Variants in ORM2 observed in about 807,000 individuals in gnomAD.
The protein encoded by ORM2 is alpha-1-acid glycoprotein 2.
A neutral mutation model predicts 26.8 loss-of-function variants in ORM2; 19 were observed. That is an observed-to-expected ratio of 0.71 (90% CI 0.49 to 1.04). ORM2 has a LOEUF of 1.04. Among genes scored for constraint, ORM2 ranks in the 50% least tolerant of loss-of-function variants. ORM2 has a pLI of 0.00. For missense variants in ORM2, 259 were observed against 244.9 expected (o/e 1.06, Z -0.39); for synonymous variants, 94 against 100.0 (o/e 0.94, Z 0.36).
intron 3 of ORM2, 81 bp from the exon 4 acceptor site, chr9:114,331,486 A>C: frequency 8.8e-7 from 1 of 1,134,704 alleles, no homozygotes; most frequent in Non-Finnish European, 1.3e-6. Flanking sequence ...GGCCCCGGAC[A>C]CACCTAGGAC....
At chr9:114,331,521 T>G in intron 3 of ORM2, 46 bp from the exon 4 acceptor site, 1 of 1,495,230 alleles carries the variant, frequency 6.7e-7, no homozygotes, top group Middle Eastern at 1.7e-4. Flanking sequence ...ACAGGCACCA[T>G]TGTGCCATCC....
intron 2 of ORM2, 37 bp from the exon 3 acceptor site, chr9:114,330,755 C>T (rs368108808): frequency 1.1e-5 from 17 of 1,607,902 alleles, no homozygotes; most frequent in Non-Finnish European, 1.4e-5. Flanking sequence ...TCCTCGATAA[C>T]ATTACTGTTT....
At chr9:114,333,035 T>C (rs757954876) in intron 5 of ORM2, 34 bp from the exon 6 acceptor site, 2 of 1,595,382 alleles carry the variant, frequency 1.3e-6, no homozygotes, top group Non-Finnish European at 1.7e-6. Flanking sequence ...ATGCCTCTGC[T>C]TCTCCCTCAC....
rs201106598 is a variant in ORM2 at position 114,330,900 on chromosome 9, G to A, written c.328+38G>A. 11 of 1,568,120 alleles carry A rather than the reference G, an allele frequency of 7.0e-6. No homozygotes were observed. In the East Asian group the frequency reaches 1.6e-4, roughly 22 times the overall value. On this transcript the variant is annotated intron_variant, in intron 3 of 5. Coordinates refer to ENST00000431067, the MANE Select transcript of ORM2 (RefSeq NM_000608.4). Reference sequence around the variant, plus strand: ...CCTCAGGCAGGAGGGTTCACCGTGGGAACAGGGCAGGCCAGCATAAGGTGG... The same window carrying A: ...CCTCAGGCAGGAGGGTTCACCGTGGAAACAGGGCAGGCCAGCATAAGGTGG...
Position 114,331,608 on chromosome 9 carries a change from G to T in ORM2, c.370G>T (p.Asp124Tyr). The change falls in exon 4 of 6, where the codon GAC becomes TAC. Residue 124 changes from aspartate to tyrosine, a missense_variant. Asp to Tyr is a radical substitution (Grantham distance 160). Around this residue, in one of 2 missense-constraint regions of ORM2, gnomAD observed 251 missense variants for 220.5 expected, o/e 1.14. Transcript: ENST00000431067. ...EHVAHLLFLR[D>Y]TKTLMFGSYL... is the part of the protein sequence containing the mutation. ...TGTTGCTCACCTGCTGTTCCTTAGG[G>T]ACACCAAGACCTTGATGTTTGGTTC... 6.2e-7 allele frequency: 1 copy of T among 1,613,990 alleles called. No individual in the cohort carries two copies. Among genetic ancestry groups the T allele is most frequent in the Non-Finnish European group, 8.5e-7 (1 of 1,179,992 alleles).
intron 3 of ORM2, among the ~76,000 whole-genome samples, 176 bp from the exon 4 acceptor site, chr9:114,331,391 G>A (rs1240903996): frequency 6.6e-6 from 1 of 152,086 alleles, no homozygotes; most frequent in East Asian, 1.9e-4. Context: ...TGTACAGAAA[G>A]TGCTTGGCGT....
intron 1 of ORM2, 55 bp from the exon 2 acceptor site, chr9:114,330,379 G>C: frequency 6.4e-7 from 1 of 1,557,402 alleles, no homozygotes; most frequent in Admixed American, 1.7e-5. Context: ...CCTCCCAGCT[G>C]ACAGTCAAAG....
rs756070700 is a variant in ORM2 at position 114,330,462 on chromosome 9, C to A, written c.143C>A (p.Ser48Ter). Residue 48 changes from serine to a stop codon, truncating the protein, a stop_gained, in exon 2 of 6, where the codon TCG becomes TAG. Coordinates refer to ENST00000431067, the MANE Select transcript of ORM2 (RefSeq NM_000608.4). LOFTEE classifies it high-confidence loss of function. The part of the protein sequence containing the change: ...RITGKWFYIA[S>*]AFRNEEYNKS... Reference sequence around the variant, plus strand: ...ACTGGCAAGTGGTTTTATATCGCATCGGCCTTTCGAAACGAGGAGTACAAT... The same window carrying A: ...ACTGGCAAGTGGTTTTATATCGCATAGGCCTTTCGAAACGAGGAGTACAAT... 8 of 1,605,060 alleles carry A rather than the reference C, an allele frequency of 5.0e-6. No homozygotes were observed. The highest frequency in any genetic ancestry group is 5.1e-6 in the Non-Finnish European group (6 of 1,176,516).
In ORM2 at chr9:114,331,558, C is replaced by G; in HGVS notation, c.329-9C>G. ...ATGTTCTCACCCAGAGGCTCTTTTT[C>G]TCTTCCAGAGGGAGGCCGAGAACAT... On this transcript the variant is annotated splice_polypyrimidine_tract_variant and intron_variant, in intron 3 of 5. Transcript: ENST00000431067. The G allele has an allele frequency of 6.2e-7, 1 of 1,609,462 alleles. No homozygotes were observed. The highest frequency in any genetic ancestry group is 8.5e-7 in the Non-Finnish European group (1 of 1,176,934).
rs1465520163 is a variant in ORM2 at position 114,330,539 on chromosome 9, A to C, written c.220A>C (p.Thr74Pro). 1 of 1,612,504 alleles carries C rather than the reference A, an allele frequency of 6.2e-7. No individual in the cohort carries two copies. Among genetic ancestry groups the C allele is most frequent in the East Asian group, 2.2e-5 (1 of 44,874 alleles). Residue 74 changes from threonine (T) to proline (P), a missense_variant, in exon 2 of 6, where the codon ACA becomes CCA. Around this residue, in one of 2 missense-constraint regions of ORM2, gnomAD observed 251 missense variants for 220.5 expected, o/e 1.14. Coordinates refer to ENST00000431067, the MANE Select transcript of ORM2 (RefSeq NM_000608.4). ...ATFFYFTPNKTEDTIFLREYQ... is the reference protein window; with the variant it reads ...ATFFYFTPNKPEDTIFLREYQ... The stretch of plus-strand genomic sequence containing the variant: ...CTTCTTTTACTTTACCCCCAACAAG[A>C]CAGAGGACACGATCTTTCTCAGAGA...
In ORM2 at chr9:114,330,707, C is replaced by T. The variant is rs1829836315; in HGVS notation, c.258-85C>T. The T allele has an allele frequency of 1.9e-6, 3 of 1,598,166 alleles. 1 individual carries two copies. The highest frequency in any genetic ancestry group is 2.7e-5 in the African/African-American group (2 of 74,456). On this transcript the variant is annotated intron_variant, in intron 2 of 5. Coordinates refer to ENST00000431067, the MANE Select transcript of ORM2 (RefSeq NM_000608.4). ...AGGGTTGGCTTTAATCTCCACCAGA[C>T]TCTTGCCCCGGGACTGTGATGGGCG...
chr9:114,331,833 G>A lies in ORM2; in HGVS notation c.444G>A (p.Lys148=), dbSNP rs1829858183. The change falls in exon 5 of 6, where the codon AAG becomes AAA. Residue 148 remains lysine (K), a synonymous_variant. Transcript: ENST00000431067. ...TCCTTGCTCCCCCTGCAGCTGACAA[G>A]CCAGAGACGACCAAGGAGCAACTGG... ...KNWGLSFYAD[K]PETTKEQLGE... is the part of the protein sequence containing the mutation. 6.2e-7 allele frequency: 1 copy of A among 1,613,580 alleles called. No homozygotes were observed. The highest frequency in any genetic ancestry group is 1.3e-5 in the African/African-American group (1 of 74,716).
At chr9:114,330,896 G>C (rs760395032) in intron 3 of ORM2, 34 bp downstream of exon 3, 1 of 1,581,468 alleles carries the variant, frequency 6.3e-7, no homozygotes. Flanking sequence ...AGGGTTCACC[G>C]TGGGAACAGG....
chr9:114,333,248 A>C lies in ORM2; in HGVS notation c.*114A>C, dbSNP rs1829891507. 5 of 1,043,454 alleles carry C rather than the reference A, an allele frequency of 4.8e-6. No individual in the cohort carries two copies. The highest frequency in any genetic ancestry group is 7.0e-6 in the Non-Finnish European group (5 of 718,470). 64.6% of individuals were successfully genotyped at this position (1,043,454 alleles called of 1,614,324 possible). A position where few individuals can be genotyped will look rare whatever the true frequency, so the allele number is the denominator to read the frequency against. ...GCATCAATAAAGCTTCTGTGTTTGG[A>C]ACAGCTAAGCTGTTAGTCATTTGTT... On this transcript the variant is annotated 3_prime_UTR_variant, in exon 6 of 6. Coordinates refer to ENST00000431067, the MANE Select transcript of ORM2 (RefSeq NM_000608.4).
rs112599631 is a variant in ORM2 at position 114,330,557 on chromosome 9, C to G, written c.238C>G (p.Leu80Val). 5,902 of 1,612,784 alleles carry G rather than the reference C, an allele frequency of 3.7e-3. 275 individuals carry two copies. The African/African-American group carries it at 0.068, about 19-fold the overall frequency. ...CAACAAGACAGAGGACACGATCTTTCTCAGAGAGTACCAGACCCGGTGAGA... is the reference window on the plus strand; with the variant it reads ...CAACAAGACAGAGGACACGATCTTTGTCAGAGAGTACCAGACCCGGTGAGA... ...TPNKTEDTIF[L>V]REYQTRQNQC... Residue 80 changes from leucine (L) to valine (V), a missense_variant, in exon 2 of 6, where the codon CTC becomes GTC. Physicochemically the swap from Leu to Val is conservative, Grantham distance 32. Transcript: ENST00000431067.
Position 114,331,896 on chromosome 9 carries a change from C to T in ORM2, c.507C>T (p.Pro169=), listed in dbSNP as rs1295534257. ...FYEALDCLCI[P]RSDVMYTDWK... ...AAGCTCTCGACTGCTTGTGCATTCC[C>T]AGGTCAGATGTCATGTACACCGACT... The change falls in exon 5 of 6, where the codon CCC becomes CCT. Residue 169 remains proline, a synonymous_variant. Transcript: ENST00000431067. 1 of 1,613,746 alleles carries T rather than the reference C, an allele frequency of 6.2e-7. No individual in the cohort carries two copies. The highest frequency in any genetic ancestry group is 1.7e-5 in the Admixed American group (1 of 59,996).
At chr9:114,332,705 G>A (rs942337951) in intron 5 of ORM2, among the ~76,000 whole-genome samples, 12 of 152,128 alleles carry the variant, frequency 7.9e-5, no homozygotes, top group South Asian at 2.1e-4. Context: ...CCACTGTCTG[G>A]CTAGGGAGCC....
chr9:114,332,619 C>T (rs144398890), intron 5 of ORM2, among the ~76,000 whole-genome samples: 1 of 152,190 alleles, frequency 6.6e-6, no homozygotes, highest in African/African-American at 2.4e-5. Flanking sequence ...GCCCCATCCC[C>T]AGCCCCAGGA....
chr9:114,332,353 C>T (rs1274670928), intron 5 of ORM2, among the ~76,000 whole-genome samples: 2 of 152,114 alleles, frequency 1.3e-5, no homozygotes, highest in African/African-American at 4.8e-5. Context: ...TGCAGCACGG[C>T]CACAGTCACC....
Sources: gnomAD v4.1 joint callset for allele counts (sites outside exome capture counted in the v4.1 genomes callset) on GRCh38, gnomAD v4.1.1 for gene constraint, gnomAD v4.1.1 regional missense constraint, MANE v1.5 for transcripts, NCBI Gene and HGNC (gene_info 2026-07-23, HGNC 2026-07-21) for gene names.